The following LGSN variants were observed in gnomAD, a reference collection of about 807,000 sequenced individuals.
LGSN encodes lengsin, lens protein with glutamine synthetase domain, also known as lengsin.
In LGSN, 21 loss-of-function variants were observed where a neutral mutation model predicts 19.5. The observed-to-expected ratio is 1.07, with a 90% CI of 0.76 to 1.55. LGSN has a LOEUF of 1.55. Among genes scored for constraint, LGSN ranks in the 40% most tolerant of loss-of-function variants. LGSN has a pLI of 0.00. For missense variants in LGSN, 673 were observed against 608.5 expected (o/e 1.11, Z -1.12); for synonymous variants, 257 against 215.6 (o/e 1.19, Z -1.68).
chr6:63,376,973 C>T, the LGSN span, among the ~76,000 whole-genome samples: 1 of 152,170 alleles, frequency 6.6e-6, no homozygotes, highest in Admixed American at 6.5e-5. Flanking sequence ...CTTGCTTGTG[C>T]TTTTCTAATC....
At chr6:63,440,116 A>C in the LGSN span, among the ~76,000 whole-genome samples, 1 of 152,142 alleles carries the variant, frequency 6.6e-6, no homozygotes, top group Non-Finnish European at 1.5e-5. Flanking sequence ...GTAAGTTCTG[A>C]GTTTTTTGTA....
chr6:63,510,251 C>G, the LGSN span, among the ~76,000 whole-genome samples: 1 of 152,104 alleles, frequency 6.6e-6, no homozygotes, highest in East Asian at 1.9e-4. Context: ...CTAAATCATG[C>G]TTGTTTGGAC....
At position 63,280,305 on chromosome 6, in the gene LGSN, G is replaced by T. The variant is rs1040530696; in HGVS notation, c.1246C>A (p.Pro416Thr). ...ACAGTTGCAGCCAGCACCAAGTAAGGGTTTGCTGTTGCTGAGCCTAGTTTA... is the reference window on the plus strand; with the variant it reads ...ACAGTTGCAGCCAGCACCAAGTAAGTGTTTGCTGTTGCTGAGCCTAGTTTA... Reference protein sequence around the residue: ...ENKLGSATANPYLVLAATVAA... With the variant: ...ENKLGSATANTYLVLAATVAA... The change falls in exon 4 of 4, where the codon CCT becomes ACT. Residue 416 changes from proline to threonine, a missense_variant. By Grantham distance (38) the Pro-to-Thr change is conservative. Coordinates refer to ENST00000370657, the MANE Select transcript of LGSN (RefSeq NM_016571.3). 14 of 1,614,144 alleles carry T rather than the reference G, an allele frequency of 8.7e-6. No homozygotes were observed. The highest frequency in any genetic ancestry group is 1.6e-4 in the Middle Eastern group (1 of 6,062).
At chr6:63,324,065 T>C (rs76767995), upstream of LGSN, among the ~76,000 whole-genome samples, 5,480 of 152,220 alleles carry the variant, frequency 0.036, 334 homozygotes, top group African/African-American at 0.13. Flanking sequence ...AGCCACCGCT[T>C]CCGGCTTGCA....
chr6:63,372,478 G>A, the LGSN span, among the ~76,000 whole-genome samples: 5 of 152,156 alleles, frequency 3.3e-5, no homozygotes, highest in African/African-American at 9.7e-5. Flanking sequence ...TATGTGTGGA[G>A]GAGTGGGTGG....
the LGSN span, among the ~76,000 whole-genome samples, chr6:63,432,156 A>G: frequency 1.7e-5 from 2 of 115,356 alleles, no homozygotes; most frequent in Non-Finnish European, 3.4e-5. Flanking sequence ...AAAGAAAGAA[A>G]GAAAGAAAGA....
At chr6:63,476,666 C>G in the LGSN span, among the ~76,000 whole-genome samples, 1 of 152,118 alleles carries the variant, frequency 6.6e-6, no homozygotes, top group East Asian at 1.9e-4. Context: ...AACATAGTAT[C>G]TCAAGAGGGG....
At chr6:63,368,094 A>T in the LGSN span, among the ~76,000 whole-genome samples, 28 of 151,068 alleles carry the variant, frequency 1.9e-4, 1 homozygote, top group South Asian at 6.3e-4. Context: ...GTATAAAAAA[A>T]TAAAAAAGAA....
the LGSN span, among the ~76,000 whole-genome samples, chr6:63,519,678 G>A: frequency 4.6e-5 from 7 of 152,166 alleles, no homozygotes; most frequent in African/African-American, 1.7e-4. Flanking sequence ...ATGAAATACA[G>A]GTCAGTCTAC....
the LGSN span, among the ~76,000 whole-genome samples, chr6:63,389,929 C>G: frequency 6.6e-6 from 1 of 151,562 alleles, no homozygotes; most frequent in South Asian, 2.1e-4. Context: ...TCTTCCTCCC[C>G]CATCCCCCAC....
chr6:63,569,337 C>T, the LGSN span, among the ~76,000 whole-genome samples: 1 of 152,224 alleles, frequency 6.6e-6, no homozygotes, highest in Admixed American at 6.5e-5. Context: ...CTCACTGCAG[C>T]CTCTGCCTCC....
upstream of LGSN, among the ~76,000 whole-genome samples, chr6:63,321,121 A>G (rs1769066672): frequency 1.3e-5 from 2 of 152,128 alleles, no homozygotes; most frequent in Non-Finnish European, 2.9e-5. Context: ...CTATCCTAGT[A>G]TTTGACTTGC....
chr6:63,454,452 T>C, the LGSN span, among the ~76,000 whole-genome samples: 4 of 150,336 alleles, frequency 2.7e-5, no homozygotes, highest in South Asian at 6.3e-4. Context: ...AGCTCTATAC[T>C]AGAAGTTTTT....
At chr6:63,479,026 C>G in the LGSN span, among the ~76,000 whole-genome samples, 13 of 152,198 alleles carry the variant, frequency 8.5e-5, no homozygotes, top group African/African-American at 1.2e-4. Context: ...CCAAGAAACA[C>G]TTTTCCCAAA....
chr6:63,432,179 G>GAAAGAAAGAAAGGGAAAGAAAGA, the LGSN span, among the ~76,000 whole-genome samples: 5 of 113,648 alleles, frequency 4.4e-5, no homozygotes, highest in African/African-American at 1.4e-4. Context: ...GAAAAGGAAA[G>GAAAGAAAGAAAGGGAAAGAAAGA]AAAGAAAAGA....
intron 2 of LGSN, chr6:63,293,670 G>C (rs556447837): frequency 2.2e-6 from 1 of 451,444 alleles, no homozygotes; most frequent in African/African-American, 2.0e-5. Flanking sequence ...ATCCTTACCA[G>C]AGTTTGGGTT....
chr6:63,520,414 G>A, the LGSN span, among the ~76,000 whole-genome samples: 1 of 152,024 alleles, frequency 6.6e-6, no homozygotes, highest in Non-Finnish European at 1.5e-5. Context: ...ATCACTTGAG[G>A]CCAGGAGTTC....
At chr6:63,526,803 G>GTGTATATA in the LGSN span, among the ~76,000 whole-genome samples, 2 of 101,446 alleles carry the variant, frequency 2.0e-5, no homozygotes, top group African/African-American at 8.7e-5. Context: ...TCTCAAAAAT[G>GTGTATATA]TATATATATA....
chr6:63,488,316 T>C, the LGSN span, among the ~76,000 whole-genome samples: 2 of 152,174 alleles, frequency 1.3e-5, no homozygotes, highest in African/African-American at 2.4e-5. Context: ...TAAGCACTAT[T>C]CTCCCTTTGC....
Sources: gnomAD v4.1 joint callset for allele counts (sites outside exome capture counted in the v4.1 genomes callset) on GRCh38, gnomAD v4.1.1 for gene constraint, MANE v1.5 for transcripts, NCBI Gene and HGNC (gene_info 2026-07-23, HGNC 2026-07-21) for gene names.